HAP1: variants seen among roughly 807,000 people sequenced by gnomAD.
HAP1 encodes the protein huntingtin associated protein 1, also known as huntingtin-associated protein 1.
A neutral mutation model predicts 60.3 loss-of-function variants in HAP1; 59 were observed. That is an observed-to-expected ratio of 0.98 (90% CI 0.79 to 1.22). HAP1 has a LOEUF of 1.22. HAP1 is among the 50% of genes most tolerant of loss of function. The pLI is 0.00. For synonymous variants in HAP1, 346 were observed against 330.6 expected (o/e 1.05, Z -0.50); for missense variants, 825 against 785.3 (o/e 1.05, Z -0.60).
chr17:41,729,683 C>T (rs1245962795), intron 6 of HAP1, among the ~76,000 whole-genome samples: 2 of 149,906 alleles, frequency 1.3e-5, no homozygotes, highest in African/African-American at 4.9e-5. Context: ...CAAGACCAAC[C>T]TGGCCAACAT....
In HAP1 at chr17:41,732,735, A is replaced by G. The variant is rs782457635; in HGVS notation, c.533T>C (p.Leu178Ser). 1.9e-6 allele frequency: 3 copies of G among 1,612,164 alleles called. No individual in the cohort carries two copies. The highest frequency in any genetic ancestry group is 2.5e-6 in the Non-Finnish European group (3 of 1,178,310). The part of the protein sequence containing the change: ...KITQEDVKVM[L>S]YLLEELLPPV... ...AGTACACACCTCCTCCAGCAAATAT[A>G]ACATCACTTTGACGTCTTCCTGGGT... The change falls in exon 2 of 11, where the codon TTA (leucine) becomes TCA (serine). Residue 178 changes from leucine to serine, a missense_variant. Leu to Ser is a moderately radical substitution (Grantham distance 145). Coordinates refer to ENST00000347901, the MANE Select transcript of HAP1 (RefSeq NM_177977.3).
chr17:41,729,353 C>T (rs1404357833), intron 6 of HAP1, among the ~76,000 whole-genome samples: 4 of 148,430 alleles, frequency 2.7e-5, no homozygotes, highest in African/African-American at 9.9e-5. Flanking sequence ...ATTTCAACAC[C>T]AGCTTGCCCA....
chr17:41,733,177 G>A (rs1156768339), intron 1 of HAP1, among the ~76,000 whole-genome samples: 5 of 147,186 alleles, frequency 3.4e-5, no homozygotes, highest in Admixed American at 7.0e-5. Context: ...TCAACCTCCC[G>A]AGTAGCTGGG....
At chr17:41,732,609 C>T (rs1912308546) in intron 2 of HAP1, 110 bp downstream of exon 2, 1 of 1,095,224 alleles carries the variant, frequency 9.1e-7, no homozygotes. Flanking sequence ...TAAGAAGGAC[C>T]CTAACCTGGG....
intron 8 of HAP1, 62 bp downstream of exon 8, chr17:41,727,700 G>A (rs1436728520): frequency 5.4e-6 from 6 of 1,114,082 alleles, no homozygotes; most frequent in Middle Eastern, 4.0e-4. Context: ...CAAGGGCCTG[G>A]GGTCCCCACT....
In HAP1 at chr17:41,734,327, G is replaced by C; in HGVS notation, c.308C>G (p.Pro103Arg). 1 of 1,608,884 alleles carries C rather than the reference G, an allele frequency of 6.2e-7. No homozygotes were observed. Residue 103 changes from proline to arginine, a missense_variant, in exon 1 of 11, where the codon CCG becomes CGG. Coordinates refer to ENST00000347901, the MANE Select transcript of HAP1 (RefSeq NM_177977.3). ...VRSMPDNSDA[P>R]WTRFVFQGPF... ...CCCTTGGAATACGAAGCGGGTCCAC[G>C]GCGCGTCCGAATTGTCGGGCATAGA...
intron 6 of HAP1, among the ~76,000 whole-genome samples, chr17:41,729,644 G>A (rs1289106802): frequency 6.7e-6 from 1 of 149,122 alleles, no homozygotes; most frequent in Non-Finnish European, 1.5e-5. Flanking sequence ...GGGAGGCCAA[G>A]GCGGGAGGAT....
intron 6 of HAP1, among the ~76,000 whole-genome samples, chr17:41,730,837 G>C (rs1295134967): frequency 1.3e-5 from 2 of 152,154 alleles, no homozygotes; most frequent in African/African-American, 4.8e-5. Context: ...TCCCAGCCCT[G>C]GGTGCCTGGT....
chr17:41,727,317 T>G (rs782537530), intron 8 of HAP1, 173 bp from the exon 9 acceptor site: 2 of 780,844 alleles, frequency 2.6e-6, no homozygotes, highest in South Asian at 2.7e-5. Context: ...GCTGTATGGG[T>G]AATGGGTGGC....
chr17:41,724,697 C>G lies in HAP1; in HGVS notation c.*4G>C. ...CACTCGGGGAGCTTATCCACCCTCT[C>G]TTTTCATCGGCACGACGATCTGCAG... is the stretch of plus-strand genomic sequence containing the variant. On this transcript the variant is annotated 3_prime_UTR_variant, in exon 11 of 11. Coordinates refer to ENST00000347901, the MANE Select transcript of HAP1 (RefSeq NM_177977.3). The G allele has an allele frequency of 6.3e-7, 1 of 1,582,886 alleles. No individual in the cohort carries two copies. The highest frequency in any genetic ancestry group is 8.6e-7 in the Non-Finnish European group (1 of 1,159,538).
rs1010053576 is a variant in HAP1 at position 41,734,063 on chromosome 17, C to T, written c.469+103G>A. 1.7e-5 allele frequency: 15 copies of T among 896,440 alleles called. No individual in the cohort carries two copies. The Middle Eastern group carries it at 1.0e-3, about 63-fold the overall frequency. The allele number at this position is 896,440 out of a possible 1,614,324, so 55.5% of individuals were successfully genotyped here. ...TCGCGGGGGTGGTGGACGGGTGACA[C>T]TGAGTGCTAGAGGGGGCGGGGTGCC... On this transcript the variant is annotated intron_variant, in intron 1 of 10. Transcript: ENST00000347901.
intron 6 of HAP1, among the ~76,000 whole-genome samples, chr17:41,728,862 G>A (rs1162420467): frequency 1.3e-5 from 2 of 152,308 alleles, no homozygotes; most frequent in East Asian, 3.9e-4. Context: ...AGTGGGCAAG[G>A]GGGTGGGGTT....
At chr17:41,718,212 C>T (rs1911059834), downstream of HAP1, 7 of 274,982 alleles carry the variant, frequency 2.5e-5, no homozygotes, top group South Asian at 2.3e-4. Context: ...AAACTAAGCA[C>T]GGTGGGGCCT....
At chr17:41,730,596 C>A (rs1912120367) in intron 6 of HAP1, among the ~76,000 whole-genome samples, 1 of 152,142 alleles carries the variant, frequency 6.6e-6, no homozygotes, top group African/African-American at 2.4e-5. Flanking sequence ...ACTCCAGTAG[C>A]CTGGGGACCA....
rs552450457 is a variant in HAP1, at chr17:41,728,433, G to A, written c.1070-102C>T. ...TGTCTCCCCCACCCTCGGCTGCTGC[G>A]CTGTGCCAGTGGGTCCTGCAGGGCT... On this transcript the variant is annotated intron_variant, in intron 6 of 10. Transcript: ENST00000347901. 1,621 of 1,030,754 alleles carry A rather than the reference G, an allele frequency of 1.6e-3. 40 individuals carry two copies. The South Asian group carries it at 0.02, about 13-fold the overall frequency. The allele number at this position is 1,030,754 out of a possible 1,614,324, so 63.9% of individuals were successfully genotyped here. A position where few individuals can be genotyped will look rare whatever the true frequency, so the allele number is the denominator to read the frequency against.
intron 1 of HAP1, 29 bp downstream of exon 1, chr17:41,734,137 C>T (rs782283286): frequency 1.0e-5 from 16 of 1,529,568 alleles, no homozygotes; most frequent in Admixed American, 1.9e-5. Context: ...AGTCCCCACC[C>T]GGTCCAGGAC....
At position 41,732,776 on chromosome 17, in the gene HAP1, C is replaced by G. The variant is rs781977379; in HGVS notation, c.492G>C (p.Pro164=). 6.2e-7 allele frequency: 1 copy of G among 1,612,206 alleles called. No individual in the cohort carries two copies. The highest frequency in any genetic ancestry group is 8.5e-7 in the Non-Finnish European group (1 of 1,178,300). The change falls in exon 2 of 11, where the codon CCG becomes CCC. Residue 164 remains proline, a synonymous_variant. Coordinates refer to ENST00000347901, the MANE Select transcript of HAP1 (RefSeq NM_177977.3). ...LEEALCPNLP[P]PVKKITQEDV... ...CTTCCTGGGTGATCTTTTTGACTGGCGGAGGTAGGTTAGGACACAGTGCTG... is the reference window on the plus strand; with the variant it reads ...CTTCCTGGGTGATCTTTTTGACTGGGGGAGGTAGGTTAGGACACAGTGCTG...
chr17:41,731,312 C>T (rs1232027213), intron 6 of HAP1, among the ~76,000 whole-genome samples, 181 bp downstream of exon 6: 3 of 152,188 alleles, frequency 2.0e-5, no homozygotes, highest in Admixed American at 1.3e-4. Flanking sequence ...ATCAGTGGGG[C>T]TGAGAAAATT....
chr17:41,734,073 G>A, intron 1 of HAP1, 93 bp downstream of exon 1: 1 of 1,007,658 alleles, frequency 9.9e-7, no homozygotes, highest in South Asian at 1.7e-5. Context: ...CTGAGTGCTA[G>A]AGGGGGCGGG....
Sources: gnomAD v4.1 joint callset for allele counts (sites outside exome capture counted in the v4.1 genomes callset) on GRCh38, gnomAD v4.1.1 for gene constraint, MANE v1.5 for transcripts, NCBI Gene and HGNC (gene_info 2026-07-23, HGNC 2026-07-21) for gene names.